BACH2: variants seen among roughly 807,000 people sequenced by gnomAD.
BACH2 encodes the protein BACH transcriptional regulator 2, also known as transcription regulator protein BACH2.
BACH2 carries 5 observed loss-of-function variants against 61.8 expected under a neutral mutation model. The observed-to-expected ratio is 0.08, with a 90% confidence interval of 0.04 to 0.17. BACH2 has a LOEUF of 0.17. BACH2 is among the 10% of genes least tolerant of loss of function. BACH2 has a pLI of 1.00. For synonymous variants in BACH2, 446 were observed against 440.1 expected (o/e 1.01, Z -0.17); for missense variants, 824 against 1,091.1 (o/e 0.76, Z 3.45).
chr6:90,295,817 C>A, intron 1 of BACH2, among the ~76,000 whole-genome samples: 1 of 152,260 alleles, frequency 6.6e-6, no homozygotes, highest in Non-Finnish European at 1.5e-5. Flanking sequence ...GAGATTCGAT[C>A]CAGGTCTGCG....
chr6:90,070,503 G>A (rs1241320754), intron 5 of BACH2, among the ~76,000 whole-genome samples: 1 of 152,148 alleles, frequency 6.6e-6, no homozygotes, highest in Non-Finnish European at 1.5e-5. Context: ...ATGGCGGTTG[G>A]GGTTGATGTC....
chr6:90,029,725 G>A (rs911889493), intron 5 of BACH2, among the ~76,000 whole-genome samples: 1 of 152,130 alleles, frequency 6.6e-6, no homozygotes, highest in African/African-American at 2.4e-5. Context: ...TTCTGTTTCT[G>A]CTGAGGTCTC....
Position 89,929,535 on chromosome 6 carries a change from A to G in BACH2, c.*2873T>C, listed in dbSNP as rs1023206270. The G allele has an allele frequency of 1.3e-5, 2 of 152,292 alleles. No individual in the cohort carries two copies. The highest frequency in any genetic ancestry group is 4.8e-5 in the African/African-American group (2 of 41,448). The allele number at this position is 152,292 out of a possible 1,614,324, so 9.4% of individuals were successfully genotyped here. ...ATGAAATAACTTGTGAGAAATCTCTATGAAATTGGAAGATGGTTTTTAGAG... is the reference window on the plus strand; with the variant it reads ...ATGAAATAACTTGTGAGAAATCTCTGTGAAATTGGAAGATGGTTTTTAGAG... On this transcript the variant is annotated 3_prime_UTR_variant, in exon 9 of 9. Transcript: ENST00000257749.
At chr6:89,944,747 C>G (rs1204856581) in intron 7 of BACH2, among the ~76,000 whole-genome samples, 2 of 151,604 alleles carry the variant, frequency 1.3e-5, no homozygotes, top group Non-Finnish European at 2.9e-5. Context: ...ACACTTTTAT[C>G]TCTCTCAGTG....
chr6:90,174,761 T>A (rs974111206), intron 4 of BACH2, among the ~76,000 whole-genome samples: 1 of 152,084 alleles, frequency 6.6e-6, no homozygotes, highest in Admixed American at 6.5e-5. Flanking sequence ...GTTACACAGG[T>A]CAACCTGGAT....
chr6:90,093,744 T>C (rs890313635), intron 4 of BACH2, among the ~76,000 whole-genome samples: 3 of 152,176 alleles, frequency 2.0e-5, no homozygotes, highest in African/African-American at 7.2e-5. Flanking sequence ...GGGCCATGTT[T>C]AGGTGTCTCA....
At chr6:90,024,191 GTT>G (rs1237201089) in intron 5 of BACH2, among the ~76,000 whole-genome samples, 1 of 152,046 alleles carries the variant, frequency 6.6e-6, no homozygotes, top group Non-Finnish European at 1.5e-5. Context: ...GTAGGAGAAT[GTT>G]AACAACTCAA....
chr6:90,058,024 T>C, intron 5 of BACH2, among the ~76,000 whole-genome samples: 1 of 152,186 alleles, frequency 6.6e-6, no homozygotes, highest in East Asian at 1.9e-4. Flanking sequence ...TCATACTGAA[T>C]GGGCAAAAAC....
intron 1 of BACH2, among the ~76,000 whole-genome samples, chr6:90,274,486 T>C (rs1353737361): frequency 6.6e-6 from 1 of 152,026 alleles, no homozygotes; most frequent in African/African-American, 2.4e-5. Flanking sequence ...GAAAATCCGG[T>C]TGAAGTGCCA....
chr6:89,976,253 G>A (rs532270582), intron 6 of BACH2, among the ~76,000 whole-genome samples: 22 of 152,316 alleles, frequency 1.4e-4, no homozygotes, highest in South Asian at 4.2e-4. Flanking sequence ...GCGTGAAGCC[G>A]GATGGGAGAG....
At chr6:90,295,841 A>AACTC in intron 1 of BACH2, among the ~76,000 whole-genome samples, 1 of 152,024 alleles carries the variant, frequency 6.6e-6, no homozygotes, top group East Asian at 1.9e-4. Flanking sequence ...CGAGGCCCCC[A>AACTC]GCTCGCCTCT....
chr6:90,038,448 T>C (rs1425405171), intron 5 of BACH2, among the ~76,000 whole-genome samples: 1 of 152,222 alleles, frequency 6.6e-6, no homozygotes, highest in African/African-American at 2.4e-5. Flanking sequence ...CAACATTATG[T>C]TTGTGAGGTT....
At chr6:90,015,395 TC>T (rs1778006906) in intron 5 of BACH2, among the ~76,000 whole-genome samples, 1 of 152,208 alleles carries the variant, frequency 6.6e-6, no homozygotes, top group African/African-American at 2.4e-5. Flanking sequence ...ATCTTTTTTG[TC>T]TTTTCTAACA....
At chr6:90,021,375 T>G (rs1252198928) in intron 5 of BACH2, among the ~76,000 whole-genome samples, 2 of 150,722 alleles carry the variant, frequency 1.3e-5, no homozygotes, top group African/African-American at 4.9e-5. Flanking sequence ...AAGTAGAATG[T>G]TAAGATTTTC....
At chr6:90,256,509 A>G (rs1770983943) in intron 2 of BACH2, among the ~76,000 whole-genome samples, 1 of 152,226 alleles carries the variant, frequency 6.6e-6, no homozygotes, top group Non-Finnish European at 1.5e-5. Context: ...AAGGATTTCC[A>G]GGAGGAAAAT....
intron 4 of BACH2, among the ~76,000 whole-genome samples, chr6:90,135,704 A>G (rs1784248571): frequency 6.6e-6 from 1 of 152,090 alleles, no homozygotes; most frequent in South Asian, 2.1e-4. Flanking sequence ...ACAGAGCAAG[A>G]CTCCGTCTAA....
intron 5 of BACH2, among the ~76,000 whole-genome samples, chr6:90,069,309 A>G (rs1405271184): frequency 1.3e-5 from 2 of 152,196 alleles, no homozygotes; most frequent in Non-Finnish European, 2.9e-5. Flanking sequence ...ACTCAGTAAA[A>G]CAGTTGAAAT....
At chr6:89,976,753 C>T (rs1775674828) in intron 6 of BACH2, among the ~76,000 whole-genome samples, 1 of 152,104 alleles carries the variant, frequency 6.6e-6, no homozygotes, top group South Asian at 2.1e-4. Context: ...TCTCTATTAC[C>T]AAAGAGAAAA....
At chr6:90,032,083 C>G (rs1265782342) in intron 5 of BACH2, among the ~76,000 whole-genome samples, 2 of 152,028 alleles carry the variant, frequency 1.3e-5, no homozygotes, top group Non-Finnish European at 2.9e-5. Flanking sequence ...TTTGACAAAC[C>G]TGACAAAAAC....
Sources: allele counts gnomAD v4.1 joint callset (sites outside exome capture counted in the v4.1 genomes callset), GRCh38; gene constraint gnomAD v4.1.1; transcripts MANE v1.5; gene names NCBI Gene and HGNC (gene_info 2026-07-23, HGNC 2026-07-21).